Variants in SLC14A2 observed in about 807,000 individuals in gnomAD.
SLC14A2 encodes urea transporter 2.
In SLC14A2, 91 loss-of-function variants were observed where a neutral mutation model predicts 104.6. The observed-to-expected ratio is 0.87, with a 90% CI of 0.73 to 1.04. SLC14A2 has a LOEUF of 1.04. SLC14A2 is among the 50% of genes least tolerant of loss of function. The pLI is 0.00. For synonymous variants in SLC14A2, 476 were observed against 466.4 expected (o/e 1.02, Z -0.27); for missense variants, 1,189 against 1,156.0 (o/e 1.03, Z -0.41).
chr18:45,238,248 A>G (rs1405085747), intron 1 of SLC14A2, among the ~76,000 whole-genome samples: 5 of 152,228 alleles, frequency 3.3e-5, no homozygotes, highest in Non-Finnish European at 7.3e-5. Context: ...TTTATTGAGC[A>G]CTTGCCATGT....
At chr18:45,183,285 T>C in the SLC14A2 span, among the ~76,000 whole-genome samples, 1 of 152,152 alleles carries the variant, frequency 6.6e-6, no homozygotes, top group East Asian at 1.9e-4. Context: ...TGATAACACC[T>C]CTTGGGGTAG....
chr18:45,663,835 T>TC lies in SLC14A2; in HGVS notation c.1403dup (p.Glu469GlyfsTer52). ...AGCAGGCCCAAAGGTGGAGGAGGGC[T>TC]CGGAGGCTGTGCTCTCCAAGCACAG... On this transcript the variant is annotated frameshift_variant, in exon 11 of 20. Coordinates refer to ENST00000255226, the MANE Select transcript of SLC14A2 (RefSeq NM_007163.4). LOFTEE classifies it high-confidence loss of function. 1 of 1,613,362 alleles carries TC rather than the reference T, an allele frequency of 6.2e-7. No homozygotes were observed. The highest frequency in any genetic ancestry group is 8.5e-7 in the Non-Finnish European group (1 of 1,179,928).
intron 1 of SLC14A2, among the ~76,000 whole-genome samples, chr18:45,309,289 T>G (rs1323431343): frequency 6.6e-6 from 1 of 152,082 alleles, no homozygotes; most frequent in African/African-American, 2.4e-5. Flanking sequence ...CCCATCGGAC[T>G]CCAGGACTTC....
intron 18 of SLC14A2, 152 bp from the exon 19 acceptor site, chr18:45,678,823 G>T (rs748331564): frequency 5.8e-5 from 39 of 675,970 alleles, no homozygotes; most frequent in Non-Finnish European, 8.4e-5. Context: ...TTTTAAAGCT[G>T]CCAAGCAATG....
At chr18:45,379,089 G>A (rs2085806137) in intron 1 of SLC14A2, among the ~76,000 whole-genome samples, 1 of 152,172 alleles carries the variant, frequency 6.6e-6, no homozygotes, top group African/African-American at 2.4e-5. Context: ...AACCCGAACA[G>A]TGCCTGGGGT....
intron 1 of SLC14A2, among the ~76,000 whole-genome samples, chr18:45,464,322 G>T (rs1018311079): frequency 6.6e-6 from 1 of 152,124 alleles, no homozygotes; most frequent in Admixed American, 6.5e-5. Flanking sequence ...ACAAGTCTCT[G>T]TCAGCTCTGA....
intron 2 of SLC14A2, among the ~76,000 whole-genome samples, chr18:45,575,718 T>G (rs1262068621): frequency 6.6e-6 from 1 of 152,124 alleles, no homozygotes; most frequent in Non-Finnish European, 1.5e-5. Flanking sequence ...AAGAAACGTT[T>G]AAATATAAAT....
chr18:45,476,927 A>G (rs1833416), intron 1 of SLC14A2, among the ~76,000 whole-genome samples: 20,790 of 151,862 alleles, frequency 0.14, 1,250 homozygotes, highest in Middle Eastern at 0.23. Flanking sequence ...GGGTTAGAAC[A>G]TGCTTCTTTA....
At chr18:45,329,321 TG>T (rs1336080431) in intron 1 of SLC14A2, among the ~76,000 whole-genome samples, 2 of 152,176 alleles carry the variant, frequency 1.3e-5, no homozygotes. Context: ...AGACTGAACT[TG>T]GGGAGCCTTA....
chr18:45,210,836 T>C (rs540321916), upstream of SLC14A2, among the ~76,000 whole-genome samples: 2 of 152,338 alleles, frequency 1.3e-5, no homozygotes, highest in African/African-American at 2.4e-5. Context: ...ATATAGAATA[T>C]GGAATGTGTT....
At chr18:45,509,452 G>A (rs1462435739) in intron 2 of SLC14A2, among the ~76,000 whole-genome samples, 1 of 152,008 alleles carries the variant, frequency 6.6e-6, no homozygotes, top group Non-Finnish European at 1.5e-5. Flanking sequence ...GTTTTTCAGG[G>A]AAACCTACTT....
At chr18:45,389,896 A>G (rs138818819) in intron 1 of SLC14A2, among the ~76,000 whole-genome samples, 2 of 152,352 alleles carry the variant, frequency 1.3e-5, no homozygotes, top group African/African-American at 4.8e-5. Flanking sequence ...TTAATCTTCG[A>G]GAATGTAACT....
At chr18:45,228,105 A>G (rs1052434157) in intron 1 of SLC14A2, among the ~76,000 whole-genome samples, 10 of 152,194 alleles carry the variant, frequency 6.6e-5, no homozygotes, top group Non-Finnish European at 1.3e-4. Flanking sequence ...CCATTGATTA[A>G]AGGGATTAAG....
At chr18:45,311,126 G>C (rs2085074299) in intron 1 of SLC14A2, among the ~76,000 whole-genome samples, 1 of 152,154 alleles carries the variant, frequency 6.6e-6, no homozygotes, top group Admixed American at 6.5e-5. Context: ...AAGCATTTTA[G>C]GCTTTGCATA....
chr18:45,519,673 T>C (rs139984497), intron 2 of SLC14A2, among the ~76,000 whole-genome samples: 18 of 152,324 alleles, frequency 1.2e-4, no homozygotes, highest in African/African-American at 4.3e-4. Flanking sequence ...CCCCAACTTG[T>C]GCACTTGGCA....
the SLC14A2 span, among the ~76,000 whole-genome samples, chr18:45,184,049 C>T: frequency 2.0e-5 from 3 of 151,510 alleles, no homozygotes; most frequent in Admixed American, 6.6e-5. Context: ...CCACCATGCC[C>T]AGCCATCAGG....
At chr18:45,415,089 A>T (rs573400351) in intron 1 of SLC14A2, among the ~76,000 whole-genome samples, 3 of 152,048 alleles carry the variant, frequency 2.0e-5, no homozygotes, top group Non-Finnish European at 4.4e-5. Flanking sequence ...AAATTTTTAT[A>T]AATTGTGTAT....
rs1217565126 is a variant in SLC14A2 at position 45,422,446 on chromosome 18, A to G, written c.-124-60787A>G. On this transcript the variant is annotated intron_variant, in intron 1 of 20. Transcript: ENST00000586448. ...GGTGCCACTCATATAGTATGAAAAC[A>G]TGGAAAAGGGAACCAGGGTGCATGA... Among the ~76,000 whole-genome samples the G allele has an allele frequency of 2.0e-5, 3 of 152,198 alleles. No homozygotes were observed. In the East Asian group the frequency reaches 5.8e-4, roughly 29 times the overall value.
At chr18:45,262,707 C>T (rs974770635) in intron 1 of SLC14A2, among the ~76,000 whole-genome samples, 4 of 152,156 alleles carry the variant, frequency 2.6e-5, no homozygotes, top group South Asian at 4.1e-4. Flanking sequence ...AGGCACAAGG[C>T]CCGGTCCTGA....
Sources: gnomAD v4.1 joint callset for allele counts (sites outside exome capture counted in the v4.1 genomes callset) on GRCh38, gnomAD v4.1.1 for gene constraint, MANE v1.5 for transcripts, NCBI Gene and HGNC (gene_info 2026-07-23, HGNC 2026-07-21) for gene names.